WDR7: variants seen among roughly 807,000 people sequenced by gnomAD.
The protein encoded by WDR7 is WD repeat-containing protein 7.
In WDR7, 46 loss-of-function variants were observed where a neutral mutation model predicts 169.4. That is an observed-to-expected ratio of 0.27 (90% CI 0.21 to 0.35). The LOEUF is 0.35. WDR7 is among the 10% of genes least tolerant of loss of function. WDR7 has a pLI of 1.00. For synonymous variants in WDR7, 612 were observed against 666.8 expected (o/e 0.92, Z 1.27); for missense variants, 1,534 against 1,859.3 (o/e 0.83, Z 3.22).
In WDR7 at chr18:56,776,840, T is replaced by C; in HGVS notation, c.2907T>C (p.Pro969=). The change falls in exon 17 of 28, where the codon CCT becomes CCC. Residue 969 remains proline, a synonymous_variant. Transcript: ENST00000254442. ...SDADHSGSDP[P]SAPALHTCFL... is the part of the protein sequence containing the mutation. ...CTGATCACTCTGGCTCTGACCCTCC[T>C]TCTGCTCCTGCTTTACATACCTGTT... 1 of 1,613,780 alleles carries C rather than the reference T, an allele frequency of 6.2e-7. No homozygotes were observed. The highest frequency in any genetic ancestry group is 8.5e-7 in the Non-Finnish European group (1 of 1,179,770).
chr18:56,980,642 A>G (rs2047630096), intron 26 of WDR7, among the ~76,000 whole-genome samples: 1 of 152,244 alleles, frequency 6.6e-6, no homozygotes. Flanking sequence ...AAAAGTATGC[A>G]ACAGGGAGAA....
chr18:56,744,736 T>TG lies in WDR7; in HGVS notation c.1990-11843dup, dbSNP rs1302615380. Reference sequence around the variant, plus strand: ...CGAGGATTTTCTGATTTAATTGGTATGGGGTGCAACCTTTGCGTGGGAGGT... The same window carrying TG: ...CGAGGATTTTCTGATTTAATTGGTATGGGGGTGCAACCTTTGCGTGGGAGGT... On this transcript the variant is annotated intron_variant, in intron 14 of 27. Transcript: ENST00000254442. Among the ~76,000 whole-genome samples, 4 of 152,148 alleles carry TG rather than the reference T, an allele frequency of 2.6e-5. No individual in the cohort carries two copies. The East Asian group carries it at 7.7e-4, about 29-fold the overall frequency.
chr18:56,769,029 A>G (rs908786355), intron 16 of WDR7, among the ~76,000 whole-genome samples: 6 of 152,206 alleles, frequency 3.9e-5, no homozygotes, highest in African/African-American at 1.4e-4. Flanking sequence ...TGTTAATTCA[A>G]TGTTTGTCAA....
chr18:56,712,016 T>C (rs192061237), intron 12 of WDR7, among the ~76,000 whole-genome samples: 19 of 152,336 alleles, frequency 1.2e-4, no homozygotes, highest in Non-Finnish European at 2.8e-4. Context: ...TAGCGACTAT[T>C]CAGGCCAAGA....
chr18:56,881,695 C>G (rs1024187135), intron 21 of WDR7, among the ~76,000 whole-genome samples: 3 of 152,132 alleles, frequency 2.0e-5, no homozygotes, highest in African/African-American at 7.2e-5. Context: ...ACTGCAACCT[C>G]CTGCCTCAGC....
intron 19 of WDR7, among the ~76,000 whole-genome samples, chr18:56,789,204 G>A (rs1306361545): frequency 6.6e-6 from 1 of 152,126 alleles, no homozygotes; most frequent in Non-Finnish European, 1.5e-5. Flanking sequence ...CATGTGACTT[G>A]GGTTCTTTGA....
At chr18:56,952,059 A>T (rs2047191821) in intron 25 of WDR7, among the ~76,000 whole-genome samples, 1 of 152,224 alleles carries the variant, frequency 6.6e-6, no homozygotes, top group Non-Finnish European at 1.5e-5. Context: ...ATCCGCTTCC[A>T]CCTGTGATAT....
rs577464027 is a variant in WDR7, at chr18:56,807,162, A to G, written c.3191-8869A>G. Among the ~76,000 whole-genome samples, 11 of 152,166 alleles carry G rather than the reference A, an allele frequency of 7.2e-5. No homozygotes were observed. The East Asian group carries it at 2.1e-3, about 29-fold the overall frequency. On this transcript the variant is annotated intron_variant, in intron 19 of 27. Coordinates refer to ENST00000254442, the MANE Select transcript of WDR7 (RefSeq NM_015285.3). Reference sequence around the variant, plus strand: ...TGATCCTAGCCAAAAAAAAAAAAAAAAAAAATTCATGAAGGATTTCAAAGG... The same window carrying G: ...TGATCCTAGCCAAAAAAAAAAAAAAGAAAAATTCATGAAGGATTTCAAAGG...
intron 21 of WDR7, among the ~76,000 whole-genome samples, chr18:56,884,643 G>A (rs2046161137): frequency 6.6e-6 from 1 of 152,102 alleles, no homozygotes. Context: ...AGCAAGCCAG[G>A]CCCAAAAAGA....
intron 12 of WDR7, among the ~76,000 whole-genome samples, chr18:56,713,608 A>G (rs2026129533): frequency 6.6e-6 from 1 of 152,198 alleles, no homozygotes; most frequent in African/African-American, 2.4e-5. Context: ...TAAGTGTTTT[A>G]TACATTATCT....
chr18:56,665,109 A>G (rs1318570826), intron 1 of WDR7, among the ~76,000 whole-genome samples: 5 of 152,096 alleles, frequency 3.3e-5, no homozygotes, highest in South Asian at 4.1e-4. Context: ...CCTGGCCAAC[A>G]TGGCAAAACC....
chr18:56,725,538 A>G (rs988475568), intron 13 of WDR7, among the ~76,000 whole-genome samples: 1 of 152,114 alleles, frequency 6.6e-6, no homozygotes, highest in African/African-American at 2.4e-5. Flanking sequence ...AGTTCATTGT[A>G]GATTTTGGAT....
chr18:56,799,092 G>C (rs1181272399), intron 19 of WDR7, among the ~76,000 whole-genome samples: 1 of 152,150 alleles, frequency 6.6e-6, no homozygotes, highest in Non-Finnish European at 1.5e-5. Context: ...AGGAAGGCAG[G>C]TAATCAAATG....
intron 19 of WDR7, among the ~76,000 whole-genome samples, chr18:56,787,475 A>G (rs1172691384): frequency 6.6e-6 from 1 of 152,214 alleles, no homozygotes; most frequent in African/African-American, 2.4e-5. Context: ...CATCTCAGAT[A>G]TTGATAGAAG....
chr18:56,805,767 C>T (rs2044763539), intron 19 of WDR7, among the ~76,000 whole-genome samples: 2 of 151,996 alleles, frequency 1.3e-5, no homozygotes, highest in African/African-American at 4.8e-5. Flanking sequence ...GATTCTACTT[C>T]ATTTTCCATA....
chr18:57,020,934 G>T, intron 27 of WDR7, 85 bp downstream of exon 27: 2 of 1,243,016 alleles, frequency 1.6e-6, no homozygotes, highest in Non-Finnish European at 2.3e-6. Flanking sequence ...CCTACCTGCC[G>T]GCCCTCCTTC....
rs570095131 is a variant in WDR7, at chr18:56,938,196, C to T, written c.3832-337C>T. Among the ~76,000 whole-genome samples, 6 of 152,262 alleles carry T rather than the reference C, an allele frequency of 3.9e-5. No homozygotes were observed. In the East Asian group the frequency reaches 7.7e-4, roughly 20 times the overall value. On this transcript the variant is annotated intron_variant, in intron 23 of 27. Coordinates refer to ENST00000254442, the MANE Select transcript of WDR7 (RefSeq NM_015285.3). ...ACTATCATTACTTGAGAGCAAGGAT[C>T]GTATCTTTTACTTCCTGGGCATCTG...
chr18:56,770,536 T>C (rs2044138155), intron 16 of WDR7, among the ~76,000 whole-genome samples: 1 of 152,216 alleles, frequency 6.6e-6, no homozygotes, highest in African/African-American at 2.4e-5. Context: ...ACTTTTTGAT[T>C]TGAGTTATAG....
chr18:56,959,006 A>T (rs1300268425), intron 25 of WDR7, among the ~76,000 whole-genome samples: 1 of 152,170 alleles, frequency 6.6e-6, no homozygotes, highest in Non-Finnish European at 1.5e-5. Flanking sequence ...ATAGTGATGG[A>T]CATAATAAAG....
Sources: gnomAD v4.1 joint callset for allele counts (sites outside exome capture counted in the v4.1 genomes callset) on GRCh38, gnomAD v4.1.1 for gene constraint, MANE v1.5 for transcripts, NCBI Gene and HGNC (gene_info 2026-07-23, HGNC 2026-07-21) for gene names.